MTDH: variants seen among roughly 807,000 people sequenced by gnomAD.
MTDH encodes the protein metadherin.
Under a neutral mutation model 72.7 loss-of-function variants are expected in MTDH, and 34 were observed. That is an observed-to-expected ratio of 0.47 (90% CI 0.36 to 0.62). MTDH has a LOEUF of 0.62. Ranked by LOEUF, MTDH falls within the 20% of genes least tolerant of loss-of-function variation. The probability of loss-of-function intolerance (pLI) is 0.00; values close to 1 mark genes in which losing one functional copy is unlikely to be tolerated. For synonymous variants in MTDH, 266 were observed against 268.9 expected (o/e 0.99, Z 0.10); for missense variants, 677 against 699.4 (o/e 0.97, Z 0.36).
At chr8:97,713,039 A>T (rs926252407) in intron 8 of MTDH, among the ~76,000 whole-genome samples, 6 of 152,190 alleles carry the variant, frequency 3.9e-5, no homozygotes, top group African/African-American at 1.4e-4. Context: ...GAACTTCAAA[A>T]TAAAGTAGAA....
chr8:97,720,138 G>A (rs141060893), intron 10 of MTDH, among the ~76,000 whole-genome samples: 4,785 of 151,952 alleles, frequency 0.031, 277 homozygotes, highest in African/African-American at 0.11. Flanking sequence ...TACAAAAATT[G>A]GCCAGGTGTG....
chr8:97,685,784 CA>C (rs1307281247), intron 2 of MTDH, among the ~76,000 whole-genome samples: 1 of 151,532 alleles, frequency 6.6e-6, no homozygotes, highest in Non-Finnish European at 1.5e-5. Flanking sequence ...AGATAGTGTG[CA>C]GTAGTATATA....
At chr8:97,676,351 C>G (rs940144893) in intron 2 of MTDH, among the ~76,000 whole-genome samples, 1 of 151,998 alleles carries the variant, frequency 6.6e-6, no homozygotes, top group South Asian at 2.1e-4. Context: ...GTACGGTATC[C>G]CCCTTGTGAT....
intron 10 of MTDH, among the ~76,000 whole-genome samples, chr8:97,720,262 G>A (rs964475551): frequency 1.3e-5 from 2 of 151,946 alleles, no homozygotes; most frequent in Non-Finnish European, 2.9e-5. Context: ...TCCAGCCTGG[G>A]CAACAAAGTG....
chr8:97,712,258 G>A (rs905061356), intron 8 of MTDH, among the ~76,000 whole-genome samples: 2 of 152,188 alleles, frequency 1.3e-5, no homozygotes, highest in Admixed American at 6.5e-5. Context: ...GGCTGCTCTT[G>A]AACTCCTGAC....
At chr8:97,689,807 A>T (rs1325461949) in intron 5 of MTDH, among the ~76,000 whole-genome samples, 1 of 150,576 alleles carries the variant, frequency 6.6e-6, no homozygotes, top group African/African-American at 2.4e-5. Context: ...TCCCGGGTGC[A>T]AGCAATTCTC....
chr8:97,713,448 A>G (rs1460810412), intron 8 of MTDH, among the ~76,000 whole-genome samples: 1 of 152,214 alleles, frequency 6.6e-6, no homozygotes, highest in Non-Finnish European at 1.5e-5. Context: ...TGAGTGATGG[A>G]TGACGTAGAC....
At chr8:97,648,253 A>AT (rs1811636709) in intron 1 of MTDH, among the ~76,000 whole-genome samples, 2 of 151,512 alleles carry the variant, frequency 1.3e-5, no homozygotes, top group African/African-American at 4.9e-5. Flanking sequence ...AGTTCTTGGC[A>AT]TTTTTTCTTT....
intron 2 of MTDH, among the ~76,000 whole-genome samples, chr8:97,682,946 G>T (rs1351272318): frequency 6.7e-6 from 1 of 149,848 alleles, no homozygotes; most frequent in Non-Finnish European, 1.5e-5. Flanking sequence ...AGAGTTAAAT[G>T]TGGGGAGACT....
chr8:97,697,150 A>ATATATATATTTTTTT, intron 6 of MTDH, among the ~76,000 whole-genome samples: 6 of 68,792 alleles, frequency 8.7e-5, no homozygotes, highest in African/African-American at 5.5e-4. Flanking sequence ...ATATATATAT[A>ATATATATATTTTTTT]TTTTTTTTTT....
At chr8:97,646,084 A>T (rs1332404176) in intron 1 of MTDH, among the ~76,000 whole-genome samples, 2 of 152,168 alleles carry the variant, frequency 1.3e-5, no homozygotes, top group African/African-American at 4.8e-5. Flanking sequence ...CTGAGTGTTA[A>T]TGAGGTTTGG....
At position 97,724,903 on chromosome 8, in the gene MTDH, A is replaced by G. The variant is rs1815296107; in HGVS notation, c.*233A>G. ...AGACACTTGGGAAAGTCTTTTTAAT[A>G]GAACAAGAACGATCTTAATTTAAGA... is the stretch of plus-strand genomic sequence containing the variant. On this transcript the variant is annotated 3_prime_UTR_variant, in exon 12 of 12. Transcript: ENST00000336273. 1.2e-5 allele frequency: 4 copies of G among 327,784 alleles called. No homozygotes were observed. In the Admixed American group the frequency reaches 1.8e-4, roughly 15 times the overall value. The allele number at this position is 327,784 out of a possible 1,614,324, so 20.3% of individuals were successfully genotyped here.
At chr8:97,697,150 A>ATATATATATATAT in intron 6 of MTDH, among the ~76,000 whole-genome samples, 3 of 68,792 alleles carry the variant, frequency 4.4e-5, no homozygotes, top group Admixed American at 1.6e-4. Context: ...ATATATATAT[A>ATATATATATATAT]TTTTTTTTTT....
chr8:97,718,277 A>T (rs1175772895), intron 9 of MTDH, among the ~76,000 whole-genome samples: 1 of 152,148 alleles, frequency 6.6e-6, no homozygotes. Flanking sequence ...TCCTGACCTC[A>T]GGTGATCTGC....
chr8:97,700,386 T>TG (rs1430073641), intron 7 of MTDH, among the ~76,000 whole-genome samples: 8 of 152,226 alleles, frequency 5.3e-5, no homozygotes, highest in African/African-American at 1.7e-4. Flanking sequence ...AAATGTACTT[T>TG]GTCTGAATTT....
At chr8:97,670,855 C>A (rs980738328) in intron 2 of MTDH, among the ~76,000 whole-genome samples, 6 of 151,598 alleles carry the variant, frequency 4.0e-5, no homozygotes, top group Non-Finnish European at 7.4e-5. Context: ...CACCTGGGTT[C>A]GAGTGATTCT....
At chr8:97,709,865 T>C (rs1479442978) in intron 8 of MTDH, among the ~76,000 whole-genome samples, 1 of 152,220 alleles carries the variant, frequency 6.6e-6, no homozygotes, top group Non-Finnish European at 1.5e-5. Flanking sequence ...TTTATCAAAA[T>C]CTCAACTCTT....
At chr8:97,673,987 A>G (rs1010506079) in intron 2 of MTDH, among the ~76,000 whole-genome samples, 3 of 151,608 alleles carry the variant, frequency 2.0e-5, no homozygotes, top group African/African-American at 7.3e-5. Context: ...AAATCAGTTA[A>G]TCAAAAAAAA....
intron 2 of MTDH, among the ~76,000 whole-genome samples, chr8:97,671,659 A>G (rs922112170): frequency 6.6e-6 from 1 of 152,090 alleles, no homozygotes; most frequent in Non-Finnish European, 1.5e-5. Flanking sequence ...CCTGGCCAAC[A>G]TGAAGAAGCC....
Sources: allele counts gnomAD v4.1 joint callset (sites outside exome capture counted in the v4.1 genomes callset), GRCh38; gene constraint gnomAD v4.1.1; transcripts MANE v1.5; gene names NCBI Gene and HGNC (gene_info 2026-07-23, HGNC 2026-07-21).